SLC16A7: variants seen among roughly 807,000 people sequenced by gnomAD.
SLC16A7 encodes monocarboxylate transporter 2.
In SLC16A7, 33 loss-of-function variants were observed where a neutral mutation model predicts 34.9. That is an observed-to-expected ratio of 0.94 (90% CI 0.72 to 1.26). The LOEUF (loss-of-function observed/expected upper bound fraction) is 1.26, where lower values mean the gene tolerates loss of function less well. Ranked by LOEUF, SLC16A7 falls within the 50% of genes most tolerant of loss-of-function variation. The probability of loss-of-function intolerance (pLI) is 0.00; values close to 1 mark genes in which losing one functional copy is unlikely to be tolerated. For missense variants in SLC16A7, 573 were observed against 578.1 expected, an observed-to-expected ratio of 0.99 and a Z score of 0.09; for synonymous variants, 201 against 206.6, an observed-to-expected ratio of 0.97 and a Z score of 0.23.
chr12:59,727,153 T>TATATATATATATATA (rs1876363440), intron 3 of SLC16A7, among the ~76,000 whole-genome samples: 1 of 99,160 alleles, frequency 1.0e-5, no homozygotes, highest in South Asian at 4.2e-4. Flanking sequence ...GAGATGGACA[T>TATATATATATATATA]ATATATATAT....
intron 3 of SLC16A7, among the ~76,000 whole-genome samples, chr12:59,753,143 G>A (rs894769458): frequency 6.6e-6 from 1 of 152,206 alleles, no homozygotes; most frequent in Non-Finnish European, 1.5e-5. Context: ...ACCAGCCACT[G>A]CAAAATCATG....
At chr12:59,660,301 TGAG>T (rs964529547) in intron 2 of SLC16A7, among the ~76,000 whole-genome samples, 1 of 152,040 alleles carries the variant, frequency 6.6e-6, no homozygotes, top group African/African-American at 2.4e-5. Context: ...CATCTGCTGC[TGAG>T]GAGAACACCA....
chr12:59,779,645 A>G lies in SLC16A7; in HGVS notation c.1403A>G (p.Gln468Arg), dbSNP rs1883096471. 2 of 1,611,696 alleles carry G rather than the reference A, an allele frequency of 1.2e-6. No homozygotes were observed. Among genetic ancestry groups the G allele is most frequent in the Non-Finnish European group, 1.7e-6 (2 of 1,178,166 alleles). ...GTTAACGTCAAAGTTTCAAATGCAC[A>G]GAGTGTAACCTCAGAAAGAGAAACT... is the stretch of plus-strand genomic sequence containing the variant. ...EDVNVKVSNA[Q>R]SVTSERETNI Residue 468 changes from glutamine (Q) to arginine (R), a missense_variant, in exon 6 of 6, where the codon CAG becomes CGG. Gln to Arg is a conservative substitution (Grantham distance 43, BLOSUM62 1). Coordinates refer to ENST00000547379, the MANE Select transcript of SLC16A7 (RefSeq NM_001270623.2).
intron 3 of SLC16A7, among the ~76,000 whole-genome samples, chr12:59,709,923 C>A (rs922213255): frequency 1.3e-5 from 2 of 151,586 alleles, no homozygotes; most frequent in Non-Finnish European, 2.9e-5. Context: ...CCTCTGGACA[C>A]CTCCTGGACA....
chr12:59,779,821 C>A lies in SLC16A7; in HGVS notation c.*142C>A, dbSNP rs899035693. ...ATGGAGGTGATATTTTCCTCAATGG[C>A]AAATTTTAAATTAGTTTTTAAAAAC... On this transcript the variant is annotated 3_prime_UTR_variant, in exon 6 of 6. Transcript: ENST00000547379. 1 of 618,090 alleles carries A rather than the reference C, an allele frequency of 1.6e-6. No individual in the cohort carries two copies. Among genetic ancestry groups the A allele is most frequent in the Non-Finnish European group, 2.7e-6 (1 of 371,176 alleles). The allele number at this position is 618,090 out of a possible 1,614,324, so 38.3% of individuals were successfully genotyped here. A position where few individuals can be genotyped will look rare whatever the true frequency, so the allele number is the denominator to read the frequency against.
In SLC16A7 at chr12:59,780,239, T is replaced by C. The variant is rs1321971112; in HGVS notation, c.*560T>C. 6.6e-6 allele frequency: 1 copy of C among 151,802 alleles called. No homozygotes were observed. Among genetic ancestry groups the C allele is most frequent in the African/African-American group, 2.4e-5 (1 of 41,334 alleles). The allele number at this position is 151,802 out of a possible 1,614,324, so 9.4% of individuals were successfully genotyped here. On this transcript the variant is annotated 3_prime_UTR_variant, in exon 6 of 6. Coordinates refer to ENST00000547379, the MANE Select transcript of SLC16A7 (RefSeq NM_001270623.2). Reference sequence around the variant, plus strand: ...TGATAATTTATTTTTAAGGTAAAAATAATCCATGAAGATAAAAGAAACATA... The same window carrying C: ...TGATAATTTATTTTTAAGGTAAAAACAATCCATGAAGATAAAAGAAACATA...
intron 3 of SLC16A7, among the ~76,000 whole-genome samples, chr12:59,726,597 A>G (rs1245523214): frequency 6.6e-6 from 1 of 152,184 alleles, no homozygotes; most frequent in Non-Finnish European, 1.5e-5. Context: ...ACTAGATTAT[A>G]ATGATTGTGT....
intron 4 of SLC16A7, among the ~76,000 whole-genome samples, chr12:59,773,146 T>C (rs17122974): frequency 0.01 from 1,577 of 151,954 alleles, 32 homozygotes; most frequent in African/African-American, 0.036. Flanking sequence ...AATACCTGGA[T>C]TTTAATTTGG....
chr12:59,605,051 C>T (rs540188921), intron 1 of SLC16A7, among the ~76,000 whole-genome samples: 1 of 152,228 alleles, frequency 6.6e-6, no homozygotes, highest in African/African-American at 2.4e-5. Context: ...TGGGGTTTCA[C>T]CATGTTAGCC....
intron 3 of SLC16A7, among the ~76,000 whole-genome samples, chr12:59,712,638 A>C (rs777987119): frequency 2.0e-4 from 31 of 152,230 alleles, no homozygotes; most frequent in Non-Finnish European, 2.9e-4. Context: ...ATTCCTCAAG[A>C]AAAACATTCA....
chr12:59,710,408 A>C (rs2137161266), intron 3 of SLC16A7, among the ~76,000 whole-genome samples: 1 of 152,358 alleles, frequency 6.6e-6, no homozygotes, highest in Non-Finnish European at 1.5e-5. Context: ...TTCTATGATG[A>C]AATCTGTGTG....
intron 2 of SLC16A7, among the ~76,000 whole-genome samples, chr12:59,682,483 A>G (rs564260902): frequency 8.5e-5 from 13 of 152,294 alleles, no homozygotes; most frequent in African/African-American, 3.1e-4. Context: ...TGGTCTCAAG[A>G]TGCTTATAGT....
intron 1 of SLC16A7, among the ~76,000 whole-genome samples, chr12:59,622,279 G>A (rs1879727837): frequency 6.6e-6 from 1 of 151,790 alleles, no homozygotes; most frequent in Non-Finnish European, 1.5e-5. Flanking sequence ...AACGTAGGTT[G>A]TTGTTCCCCG....
At chr12:59,765,486 A>G (rs551051112) in intron 3 of SLC16A7, among the ~76,000 whole-genome samples, 6 of 152,180 alleles carry the variant, frequency 3.9e-5, no homozygotes, top group African/African-American at 9.7e-5. Flanking sequence ...TAAGTCTTTA[A>G]TATATCTTGA....
rs149736224 is a variant in SLC16A7 at position 59,663,766 on chromosome 12, A to G, written c.-31+8516A>G. ...AGCTTAAGTTTTCAGTAGAAATGAA[A>G]GAAACATACCACATATTTTGTAAAA... On this transcript the variant is annotated intron_variant, in intron 2 of 5. Transcript: ENST00000547379. Among the ~76,000 whole-genome samples the G allele has an allele frequency of 1.8e-3, 275 of 152,262 alleles. 1 individual carries two copies. Among genetic ancestry groups the G allele is most frequent in the African/African-American group, 6.2e-3 (258 of 41,564 alleles).
rs967317297 is a variant in SLC16A7, at chr12:59,782,118, T to G, written c.*2439T>G. 11 of 152,182 alleles carry G rather than the reference T, an allele frequency of 7.2e-5. No individual in the cohort carries two copies. Among genetic ancestry groups the G allele is most frequent in the African/African-American group, 2.7e-4 (11 of 41,458 alleles). The allele number at this position is 152,182 out of a possible 1,614,324, so 9.4% of individuals were successfully genotyped here. A position where few individuals can be genotyped will look rare whatever the true frequency, so the allele number is the denominator to read the frequency against. ...TAGAAAAGAAAGTAAAACTTGCACA[T>G]TCAAAGCACATGATTTGTACAGTCA... is the stretch of plus-strand genomic sequence containing the variant. On this transcript the variant is annotated 3_prime_UTR_variant, in exon 6 of 6. Coordinates refer to ENST00000547379, the MANE Select transcript of SLC16A7 (RefSeq NM_001270623.2).
rs757021877 is a variant in SLC16A7 at position 59,771,302 on chromosome 12, G to A, written c.301G>A (p.Val101Met). The A allele has an allele frequency of 2.5e-5, 41 of 1,613,130 alleles. No individual in the cohort carries two copies. The Middle Eastern group carries it at 4.9e-4, about 19-fold the overall frequency. The stretch of plus-strand genomic sequence containing the variant: ...AGGCTTATTATGCTGTCTTGGAATG[G>A]TGTTGGCCTCCTTTAGTAGCAGCGT... ...AGGLLCCLGMVLASFSSSVVQ... is the reference protein window; with the variant it reads ...AGGLLCCLGMMLASFSSSVVQ... The change falls in exon 4 of 6, where the codon GTG becomes ATG. Residue 101 changes from valine to methionine, a missense_variant. Transcript: ENST00000547379.
At chr12:59,697,521 T>A (rs1250222163) in intron 2 of SLC16A7, among the ~76,000 whole-genome samples, 1 of 151,960 alleles carries the variant, frequency 6.6e-6, no homozygotes, top group East Asian at 1.9e-4. Flanking sequence ...CCATTTTTAG[T>A]CCTTTTCTGA....
In SLC16A7 at chr12:59,787,947, T is replaced by C. The variant is rs1354144354; in HGVS notation, c.*8268T>C. The C allele has an allele frequency of 6.6e-6, 1 of 152,198 alleles. No homozygotes were observed. The highest frequency in any genetic ancestry group is 2.1e-4 in the South Asian group (1 of 4,834). The allele number at this position is 152,198 out of a possible 1,614,324, so 9.4% of individuals were successfully genotyped here. On this transcript the variant is annotated 3_prime_UTR_variant, in exon 6 of 6. Transcript: ENST00000547379. ...GAGTCAGATATAGTAATTCCTGATA[T>C]TGCAGATGAAAGAGCAGGGTCTTTT...
Sources: gnomAD v4.1 joint callset for allele counts (sites outside exome capture counted in the v4.1 genomes callset) on GRCh38, gnomAD v4.1.1 for gene constraint, MANE v1.5 for transcripts, NCBI Gene and HGNC (gene_info 2026-07-23, HGNC 2026-07-21) for gene names.